Variants in RBFOX3 observed in about 807,000 individuals in gnomAD.
RBFOX3 encodes RNA binding protein fox-1 homolog 3.
Under a neutral mutation model 48.7 loss-of-function variants are expected in RBFOX3, and 17 were observed. The observed-to-expected ratio is 0.35, with a 90% CI of 0.24 to 0.52. The LOEUF (loss-of-function observed/expected upper bound fraction) is 0.52. Ranked by LOEUF, RBFOX3 falls within the 20% of genes least tolerant of loss-of-function variation. The pLI, the probability that RBFOX3 is intolerant of heterozygous loss-of-function variation, is 0.94. For synonymous variants in RBFOX3, 212 were observed against 209.5 expected (o/e 1.01, Z -0.10); for missense variants, 382 against 497.5 (o/e 0.77, Z 2.21).
At chr17:79,377,668 G>C (rs952597366) in intron 2 of RBFOX3, among the ~76,000 whole-genome samples, 6 of 152,228 alleles carry the variant, frequency 3.9e-5, no homozygotes, top group African/African-American at 1.4e-4. Context: ...TCGAGCTTCT[G>C]AGTGCCAGCA....
chr17:79,350,448 A>G (rs1303351387), intron 2 of RBFOX3, among the ~76,000 whole-genome samples: 1 of 152,204 alleles, frequency 6.6e-6, no homozygotes, highest in African/African-American at 2.4e-5. Context: ...AGTAAAAGGC[A>G]ATTTCATTTC....
chr17:79,295,212 C>G (rs749506584), intron 3 of RBFOX3, among the ~76,000 whole-genome samples: 46 of 152,184 alleles, frequency 3.0e-4, no homozygotes, highest in Non-Finnish European at 6.2e-4. Context: ...CAGATGAAAT[C>G]CGCCTCGTGT....
At chr17:79,495,146 G>A (rs911722643) in intron 1 of RBFOX3, among the ~76,000 whole-genome samples, 7 of 151,226 alleles carry the variant, frequency 4.6e-5, no homozygotes, top group South Asian at 4.2e-4. Context: ...CGGTCCCCTC[G>A]AGGATCTCCA....
At chr17:79,340,069 C>A (rs34872009) in intron 2 of RBFOX3, among the ~76,000 whole-genome samples, 29,232 of 151,976 alleles carry the variant, frequency 0.19, 3,442 homozygotes, top group Non-Finnish European at 0.27. Context: ...GAGGCCAAGG[C>A]GGGCAGATCA....
the RBFOX3 span, among the ~76,000 whole-genome samples, chr17:79,618,196 T>TA: frequency 6.6e-6 from 1 of 152,086 alleles, no homozygotes; most frequent in East Asian, 1.9e-4. Context: ...GGCGATAGCC[T>TA]AAAAAACACA....
chr17:79,181,437 A>C (rs2051916678), intron 4 of RBFOX3, among the ~76,000 whole-genome samples: 1 of 151,912 alleles, frequency 6.6e-6, no homozygotes, highest in Non-Finnish European at 1.5e-5. Flanking sequence ...GCCTATCCTG[A>C]CTCCCTGTGA....
intron 1 of RBFOX3, among the ~76,000 whole-genome samples, chr17:79,588,108 C>T (rs1009249424): frequency 6.6e-6 from 1 of 152,202 alleles, no homozygotes; most frequent in Non-Finnish European, 1.5e-5. Context: ...GCTGGGATTG[C>T]AGTCATGAGC....
chr17:79,310,267 C>A (rs1327266271), intron 2 of RBFOX3, among the ~76,000 whole-genome samples: 1 of 152,136 alleles, frequency 6.6e-6, no homozygotes, highest in Non-Finnish European at 1.5e-5. Context: ...TCCCTGAAGG[C>A]CTGGGGGTTA....
intron 2 of RBFOX3, among the ~76,000 whole-genome samples, chr17:79,352,670 C>T (rs1017446922): frequency 6.6e-6 from 1 of 152,198 alleles, no homozygotes; most frequent in Non-Finnish European, 1.5e-5. Context: ...GTGTGGCCCA[C>T]ACCTCCTAGG....
intron 2 of RBFOX3, among the ~76,000 whole-genome samples, chr17:79,446,559 A>C (rs1220510122): frequency 6.6e-6 from 1 of 152,196 alleles, no homozygotes; most frequent in African/African-American, 2.4e-5. Context: ...ATGTTAGTGT[A>C]CCATTGCTAT....
chr17:79,383,302 C>T (rs1056666381), intron 2 of RBFOX3, among the ~76,000 whole-genome samples: 4 of 152,242 alleles, frequency 2.6e-5, no homozygotes, highest in African/African-American at 9.6e-5. Context: ...GAGGGTCTAA[C>T]ACGGCTGGCC....
At chr17:79,624,465 A>G in the RBFOX3 span, among the ~76,000 whole-genome samples, 1 of 152,282 alleles carries the variant, frequency 6.6e-6, no homozygotes, top group East Asian at 1.9e-4. Flanking sequence ...AGGCAGCCAG[A>G]AAGACAGGGA....
chr17:79,140,507 A>C (rs562770702), intron 4 of RBFOX3, among the ~76,000 whole-genome samples: 118 of 152,358 alleles, frequency 7.7e-4, no homozygotes, highest in Admixed American at 2.0e-3. Context: ...CGGCACCCAC[A>C]TTAGCTGTAA....
At chr17:79,323,336 T>G (rs1385425352) in intron 2 of RBFOX3, among the ~76,000 whole-genome samples, 1 of 152,136 alleles carries the variant, frequency 6.6e-6, no homozygotes. Flanking sequence ...ACTCTTTCAG[T>G]GTTTGTGCTG....
chr17:79,604,375 C>T (rs1224686251), intron 1 of RBFOX3, among the ~76,000 whole-genome samples: 1 of 151,478 alleles, frequency 6.6e-6, no homozygotes, highest in Non-Finnish European at 1.5e-5. Context: ...CGGGACATAC[C>T]GGTGTGTGCG....
chr17:79,285,758 A>G (rs1281661630), intron 3 of RBFOX3, among the ~76,000 whole-genome samples: 4 of 152,136 alleles, frequency 2.6e-5, no homozygotes, highest in African/African-American at 9.7e-5. Flanking sequence ...ATCTCAGCTC[A>G]TTGCAACCTC....
chr17:79,643,910 T>C, the RBFOX3 span, among the ~76,000 whole-genome samples: 1 of 151,476 alleles, frequency 6.6e-6, no homozygotes, highest in Non-Finnish European at 1.5e-5. Flanking sequence ...AAGGAAATAA[T>C]ACAAATAATA....
intron 1 of RBFOX3, among the ~76,000 whole-genome samples, chr17:79,562,336 A>G (rs957298207): frequency 1.6e-3 from 246 of 152,226 alleles, no homozygotes; most frequent in African/African-American, 5.7e-3. Flanking sequence ...TCCGCCGTCC[A>G]TCTCCTCTCT....
In RBFOX3 at chr17:79,330,148, C is replaced by T. The variant is rs544769509; in HGVS notation, c.-174-22324G>A. Among the ~76,000 whole-genome samples, 11 of 152,304 alleles carry T rather than the reference C, an allele frequency of 7.2e-5. No individual in the cohort carries two copies. The South Asian group carries it at 8.3e-4, about 11-fold the overall frequency. On this transcript the variant is annotated intron_variant, in intron 2 of 14. Coordinates refer to ENST00000693108, the MANE Select transcript of RBFOX3 (RefSeq NM_001350451.2). Reference sequence around the variant, plus strand: ...GTGCGTGTGGGCGCGCGTGTACCTGCGTGTCTTCACTGCTTCTCCAGATGA... The same window carrying T: ...GTGCGTGTGGGCGCGCGTGTACCTGTGTGTCTTCACTGCTTCTCCAGATGA...
Sources: allele counts gnomAD v4.1 joint callset (sites outside exome capture counted in the v4.1 genomes callset), GRCh38; gene constraint gnomAD v4.1.1; transcripts MANE v1.5; gene names NCBI Gene and HGNC (gene_info 2026-07-23, HGNC 2026-07-21).